Variants in DHRS3 observed in about 807,000 individuals in gnomAD.
DHRS3 encodes the protein short-chain dehydrogenase/reductase 3.
A neutral mutation model predicts 27.2 loss-of-function variants in DHRS3; 14 were observed. The ratio of observed to expected loss-of-function variants is 0.52; its 90% CI spans 0.34 to 0.81. The LOEUF (loss-of-function observed/expected upper bound fraction) is 0.81, where lower values mean the gene tolerates loss of function less well. Ranked by LOEUF, DHRS3 falls within the 30% of genes least tolerant of loss-of-function variation. The pLI, the probability that DHRS3 is intolerant of heterozygous loss-of-function variation, is 0.01. For missense variants in DHRS3, 322 were observed against 406.2 expected (o/e 0.79, Z 1.78); for synonymous variants, 165 against 175.9 (o/e 0.94, Z 0.49).
At chr1:12,614,766 A>G (rs148982596) in intron 1 of DHRS3, among the ~76,000 whole-genome samples, 1 of 148,742 alleles carries the variant, frequency 6.7e-6, no homozygotes, top group East Asian at 2.0e-4. Context: ...TCCCACCAGA[A>G]TCTAGGCTGG....
intron 1 of DHRS3, among the ~76,000 whole-genome samples, chr1:12,609,448 G>A (rs1390455268): frequency 6.6e-6 from 1 of 151,980 alleles, no homozygotes; most frequent in African/African-American, 2.4e-5. Flanking sequence ...GTGGCACCCC[G>A]GACTGCCTAG....
At chr1:12,613,283 A>G (rs1646922407) in intron 1 of DHRS3, among the ~76,000 whole-genome samples, 1 of 152,142 alleles carries the variant, frequency 6.6e-6, no homozygotes, top group Non-Finnish European at 1.5e-5. Flanking sequence ...CCAGAACCAC[A>G]AGAGAATACA....
rs374083109 is a variant in DHRS3, at chr1:12,590,217, AGGGTG to A, written c.196-9556_196-9552del. 3.9e-5 allele frequency among the ~76,000 whole-genome samples: 6 copies of A among 152,164 alleles called. No individual in the cohort carries two copies. In the East Asian group the frequency reaches 9.7e-4, roughly 25 times the overall value. On this transcript the variant is annotated intron_variant, in intron 1 of 5. Transcript: ENST00000616661. Reference sequence around the variant, plus strand: ...TGGTGAGGAGCCTCTGGAGGTGCTGAGGGTGGGGTGGGGAGCAAGCAGATATCATT... The same window carrying A: ...TGGTGAGGAGCCTCTGGAGGTGCTGAGGGTGGGGAGCAAGCAGATATCATT...
intron 1 of DHRS3, among the ~76,000 whole-genome samples, chr1:12,583,036 A>C: frequency 7.6e-6 from 1 of 131,556 alleles, no homozygotes. Context: ...TCACCTACCC[A>C]ACTCCATCCA....
In DHRS3 at chr1:12,572,784, G is replaced by A. The variant is rs1436972748; in HGVS notation, c.768C>T (p.Leu256=). 7 of 1,612,108 alleles carry A rather than the reference G, an allele frequency of 4.3e-6. No homozygotes were observed. Among genetic ancestry groups the A allele is most frequent in the Non-Finnish European group, 5.9e-6 (7 of 1,179,226 alleles). Residue 256 remains leucine (L), a synonymous_variant, in exon 5 of 6, where the codon CTC becomes CTT. Transcript: ENST00000616661. ...VARRTVEAVQ[L]NQALLLLPWT... ...ATGGGAGGAGGAGGAGGGCCTGGTT[G>A]AGCTGCACAGCTTCCACTGTCCTCC...
intron 5 of DHRS3, 30 bp downstream of exon 5, chr1:12,572,698 G>A (rs375495558): frequency 6.4e-7 from 1 of 1,564,264 alleles, no homozygotes; most frequent in Non-Finnish European, 8.7e-7. Flanking sequence ...ACTTTCCCCT[G>A]ACCCAGAGTG....
At position 12,608,821 on chromosome 1, in the gene DHRS3, C is replaced by T. The variant is rs1646888331; in HGVS notation, c.195+8333G>A. On this transcript the variant is annotated intron_variant, in intron 1 of 5. Transcript: ENST00000616661. The surrounding 1 kb of genome is among the most constrained non-coding windows in gnomAD (Gnocchi z 4.1). ...CTCCAGAACCATCTAGAACAGGTCC[C>T]ATGCCTCTGTGGTACTGGAATGCAG... 6.6e-6 allele frequency among the ~76,000 whole-genome samples: 1 copy of T among 152,190 alleles called. No individual in the cohort carries two copies. The highest frequency in any genetic ancestry group is 2.4e-5 in the African/African-American group (1 of 41,442).
At chr1:12,600,268 G>A in intron 1 of DHRS3, 1 of 766,802 alleles carries the variant, frequency 1.3e-6, no homozygotes, top group Non-Finnish European at 1.6e-6. Context: ...CTGACTTGAA[G>A]GCTCAGGAGA....
chr1:12,581,253 C>T lies in DHRS3; in HGVS notation c.196-587G>A, dbSNP rs548099082. On this transcript the variant is annotated intron_variant, in intron 1 of 5. Coordinates refer to ENST00000616661, the MANE Select transcript of DHRS3 (RefSeq NM_004753.7). Reference sequence around the variant, plus strand: ...CTTGTATATTACTTTTAGCAGGCTGCCTCCTGCCAGTGCAGTTCATTTCCT... The same window carrying T: ...CTTGTATATTACTTTTAGCAGGCTGTCTCCTGCCAGTGCAGTTCATTTCCT... Among the ~76,000 whole-genome samples the T allele has an allele frequency of 2.0e-5, 3 of 152,340 alleles. 1 individual carries two copies. The South Asian group carries it at 6.2e-4, about 32-fold the overall frequency.
chr1:12,603,138 C>T (rs1261795948), intron 1 of DHRS3, among the ~76,000 whole-genome samples: 1 of 152,180 alleles, frequency 6.6e-6, no homozygotes, highest in African/African-American at 2.4e-5. Context: ...AGGCTGAGGG[C>T]AGGAGGGGTT....
chr1:12,598,805 A>T (rs944156727), intron 1 of DHRS3, among the ~76,000 whole-genome samples: 3 of 152,208 alleles, frequency 2.0e-5, no homozygotes, highest in Admixed American at 6.5e-5. Flanking sequence ...AAGTATAAGT[A>T]ATTAGTCAAG....
intron 1 of DHRS3, among the ~76,000 whole-genome samples, chr1:12,614,121 C>A (rs1646928192): frequency 6.6e-6 from 1 of 152,132 alleles, no homozygotes; most frequent in South Asian, 2.1e-4. Flanking sequence ...GTTGCCCCAC[C>A]TCCCAAGGTT....
chr1:12,605,136 G>A (rs1646861671), intron 1 of DHRS3, among the ~76,000 whole-genome samples: 1 of 150,494 alleles, frequency 6.6e-6, no homozygotes, highest in Non-Finnish European at 1.5e-5. Flanking sequence ...GCACTGTGCA[G>A]TCATGTAGAG....
chr1:12,580,886 G>T (rs61776832), intron 1 of DHRS3, among the ~76,000 whole-genome samples: 1 of 151,986 alleles, frequency 6.6e-6, no homozygotes, highest in African/African-American at 2.4e-5. Context: ...GCAGCAGTGC[G>T]ATCATAGCTC....
Position 12,578,869 on chromosome 1 carries a change from G to A in DHRS3, c.547C>T (p.Pro183Ser). 1 of 1,613,994 alleles carries A rather than the reference G, an allele frequency of 6.2e-7. No homozygotes were observed. Among genetic ancestry groups the A allele is most frequent in the East Asian group, 2.2e-5 (1 of 44,886 alleles). The change falls in exon 4 of 6, where the codon CCC (proline) becomes TCC (serine). Residue 183 changes from proline (P) to serine (S), a missense_variant. By Grantham distance (74) the Pro-to-Ser change is moderately conservative. Transcript: ENST00000616661. This position sits in a 1 kb window ranked among gnomAD's most constrained non-coding sequence, Gnocchi z 4.5. ...LNSVLALSAI[P>S]GAIDYCTSKA... is the part of the protein sequence containing the mutation. ...GATGTGCAGTAGTCGATGGCACCGG[G>A]GATGGCAGACAGTGCCAGCACGGAG...
At position 12,592,191 on chromosome 1, in the gene DHRS3, C is replaced by G. The variant is rs1249294446; in HGVS notation, c.196-11525G>C. Reference sequence around the variant, plus strand: ...GTGGACCTTTACTGCAGGCTGGATCCTGCTCTGGGCTCTTAGACTGAATCC... The same window carrying G: ...GTGGACCTTTACTGCAGGCTGGATCGTGCTCTGGGCTCTTAGACTGAATCC... On this transcript the variant is annotated intron_variant, in intron 1 of 5. Coordinates refer to ENST00000616661, the MANE Select transcript of DHRS3 (RefSeq NM_004753.7). This position sits in a 1 kb window ranked among gnomAD's most constrained non-coding sequence, Gnocchi z 4.2. 6.6e-6 allele frequency among the ~76,000 whole-genome samples: 1 copy of G among 152,214 alleles called. No individual in the cohort carries two copies.
chr1:12,615,352 C>A (rs1338637518), intron 1 of DHRS3, among the ~76,000 whole-genome samples: 1 of 152,134 alleles, frequency 6.6e-6, no homozygotes, highest in African/African-American at 2.4e-5. Flanking sequence ...ACCCTGACAC[C>A]AATTTAAGAC....
chr1:12,578,845 A>T lies in DHRS3; in HGVS notation c.571T>A (p.Ser191Thr). ...ATGAAGGCGAAGGCTGACGCTTTGG[A>T]TGTGCAGTAGTCGATGGCACCGGGG... ...AIPGAIDYCT[S>T]KASAFAFMES... Residue 191 changes from serine (S) to threonine (T), a missense_variant, in exon 4 of 6, where the codon TCC (serine) becomes ACC (threonine). By Grantham distance (58) the Ser-to-Thr change is moderately conservative (BLOSUM62 1). Coordinates refer to ENST00000616661, the MANE Select transcript of DHRS3 (RefSeq NM_004753.7). The surrounding 1 kb of genome is among the most constrained non-coding windows in gnomAD (Gnocchi z 4.5). The T allele has an allele frequency of 6.2e-7, 1 of 1,614,002 alleles. No homozygotes were observed. Among genetic ancestry groups the T allele is most frequent in the Non-Finnish European group, 8.5e-7 (1 of 1,180,010 alleles).
intron 1 of DHRS3, among the ~76,000 whole-genome samples, chr1:12,611,612 C>T (rs992223027): frequency 4.6e-5 from 7 of 152,172 alleles, no homozygotes; most frequent in African/African-American, 1.7e-4. Flanking sequence ...ATGCTTTCTT[C>T]ACCTGGAAGT....
Sources: allele counts gnomAD v4.1 joint callset (sites outside exome capture counted in the v4.1 genomes callset), GRCh38; gene constraint gnomAD v4.1.1; non-coding constraint Gnocchi (gnomAD v3.1); transcripts MANE v1.5; gene names NCBI Gene and HGNC (gene_info 2026-07-23, HGNC 2026-07-21).